NUP88: variants seen among roughly 807,000 people sequenced by gnomAD.
NUP88 encodes nuclear pore complex protein Nup88.
Under a neutral mutation model 93.9 loss-of-function variants are expected in NUP88, and 57 were observed. That is an observed-to-expected ratio of 0.61 (90% CI 0.49 to 0.76). The LOEUF is 0.76. NUP88 is among the 30% of genes least tolerant of loss of function. The probability of loss-of-function intolerance (pLI) is 0.00; values close to 1 mark genes in which losing one functional copy is unlikely to be tolerated. For synonymous variants in NUP88, 346 were observed against 336.8 expected (o/e 1.03, Z -0.30); for missense variants, 911 against 901.0 (o/e 1.01, Z -0.14).
intron 1 of NUP88, among the ~76,000 whole-genome samples, chr17:5,418,909 A>G (rs1214463169): frequency 1.3e-5 from 2 of 152,182 alleles, no homozygotes; most frequent in Admixed American, 1.3e-4. Context: ...CGGGGGTAAG[A>G]ATTAACAGAG....
chr17:5,386,736 T>G lies in NUP88; in HGVS notation c.2134A>C (p.Lys712Gln). The change falls in exon 16 of 17, where the codon AAG becomes CAG. Residue 712 changes from lysine (K) to glutamine (Q), a missense_variant. Physicochemically the swap from Lys to Gln is moderately conservative, Grantham distance 53. Transcript: ENST00000573584. ...TCTTTCAGGATGGACTGAATGCACT[T>G]TCGCTGGTAGGCACTGAGAATAATG... The part of the protein sequence containing the change: ...PTIILSAYQR[K>Q]CIQSILKEEG... The G allele has an allele frequency of 4.3e-6, 7 of 1,612,882 alleles. No homozygotes were observed. The highest frequency in any genetic ancestry group is 5.9e-6 in the Non-Finnish European group (7 of 1,178,890).
At chr17:5,418,455 T>C (rs1567580446) in intron 1 of NUP88, among the ~76,000 whole-genome samples, 1 of 152,106 alleles carries the variant, frequency 6.6e-6, no homozygotes, top group Admixed American at 6.5e-5. Context: ...GGTTTCACCA[T>C]GTTGGCCAGG....
At chr17:5,416,007 T>C (rs745566971) in intron 2 of NUP88, among the ~76,000 whole-genome samples, 2 of 151,630 alleles carry the variant, frequency 1.3e-5, no homozygotes, top group Non-Finnish European at 2.9e-5. Context: ...TAGCTGGGCA[T>C]GGTAGCGCTT....
At chr17:5,395,041 G>A in intron 8 of NUP88, 60 bp from the exon 9 acceptor site, 1 of 1,041,000 alleles carries the variant, frequency 9.6e-7, no homozygotes, top group Non-Finnish European at 1.5e-6. Context: ...AAATTAAAAT[G>A]CTAATGATAT....
chr17:5,403,054 T>C (rs1438863538), intron 7 of NUP88, among the ~76,000 whole-genome samples: 2 of 152,134 alleles, frequency 1.3e-5, no homozygotes, highest in African/African-American at 4.8e-5. Context: ...TAAAAATCCA[T>C]TTGGGGCCAG....
intron 10 of NUP88, among the ~76,000 whole-genome samples, chr17:5,390,443 T>C (rs1005717616): frequency 7.9e-5 from 12 of 152,182 alleles, no homozygotes; most frequent in Non-Finnish European, 1.2e-4. Flanking sequence ...CTTCAAAGAC[T>C]ATGGAAGATC....
At chr17:5,399,363 C>A (rs1913004801) in intron 8 of NUP88, among the ~76,000 whole-genome samples, 189 bp downstream of exon 8, 3 of 151,698 alleles carry the variant, frequency 2.0e-5, no homozygotes, top group Admixed American at 1.3e-4. Flanking sequence ...ATAGTAATAT[C>A]CCTGCTTTTA....
At position 5,385,048 on chromosome 17, in the gene NUP88, T is replaced by C; in HGVS notation, c.*1158A>G. 4.4e-6 allele frequency: 1 copy of C among 228,742 alleles called. No individual in the cohort carries two copies. 14.2% of individuals were successfully genotyped at this position (228,742 alleles called of 1,614,324 possible). ...TGAGACTGAGCACCTTACAGATATT[T>C]TTCTCCAGAAGATGGTGCTGGGTAA... On this transcript the variant is annotated 3_prime_UTR_variant, in exon 17 of 17. Transcript: ENST00000573584.
intron 9 of NUP88, among the ~76,000 whole-genome samples, chr17:5,393,698 A>G (rs1008677535): frequency 2.6e-5 from 4 of 151,958 alleles, no homozygotes; most frequent in Non-Finnish European, 5.9e-5. Flanking sequence ...GATCTCCCAA[A>G]ATGCTGGGAT....
At chr17:5,388,016 T>C in intron 11 of NUP88, 112 bp from the exon 12 acceptor site, 1 of 1,120,110 alleles carries the variant, frequency 8.9e-7, no homozygotes, top group Non-Finnish European at 1.2e-6. Flanking sequence ...AATTTATTTA[T>C]TTGAGATGCA....
In NUP88 at chr17:5,387,768, G is replaced by C. The variant is rs1442604990; in HGVS notation, c.1769+11C>G. ...CAGGGATCGATGGTTTGTGAACACA[G>C]GACATCATACCTCCGCTGAATCTCC... On this transcript the variant is annotated intron_variant, in intron 12 of 16. Coordinates refer to ENST00000573584, the MANE Select transcript of NUP88 (RefSeq NM_002532.6). 1.9e-6 allele frequency: 3 copies of C among 1,611,930 alleles called. No homozygotes were observed. The highest frequency in any genetic ancestry group is 2.7e-5 in the African/African-American group (2 of 74,824).
intron 3 of NUP88, 77 bp downstream of exon 3, chr17:5,413,932 A>G (rs1306742625): frequency 8.0e-6 from 12 of 1,493,650 alleles, no homozygotes; most frequent in African/African-American, 1.4e-5. Context: ...ACTTCGTTCT[A>G]TGTTGAGCTG....
In NUP88 at chr17:5,386,980, C is replaced by T; in HGVS notation, c.2043+4G>A. On this transcript the variant is annotated splice_donor_region_variant and intron_variant, in intron 15 of 16. Transcript: ENST00000573584. Reference sequence around the variant, plus strand: ...AAATTTAGCTAGTTTGGATCTATTCCTACCTGTTTGATGGCATTGCCCAAA... The same window carrying T: ...AAATTTAGCTAGTTTGGATCTATTCTTACCTGTTTGATGGCATTGCCCAAA... 1 of 1,613,678 alleles carries T rather than the reference C, an allele frequency of 6.2e-7. No homozygotes were observed. The highest frequency in any genetic ancestry group is 8.5e-7 in the Non-Finnish European group (1 of 1,179,862).
chr17:5,404,044 T>A, intron 7 of NUP88, 55 bp downstream of exon 7: 1 of 1,530,284 alleles, frequency 6.5e-7, no homozygotes, highest in East Asian at 2.2e-5. Flanking sequence ...CAGTCTATGA[T>A]AGTCTTAGTA....
Position 5,419,389 on chromosome 17 carries a change from C to T in NUP88, c.262G>A (p.Gly88Ser), listed in dbSNP as rs756787394. The change falls in exon 1 of 17, where the codon GGC (glycine) becomes AGC (serine). Residue 88 changes from glycine (G) to serine (S), a missense_variant. Transcript: ENST00000573584. The stretch of plus-strand genomic sequence containing the variant: ...GACAGGGCGGGCTCTTCGCCGCCGC[C>T]GCTGGGGCCCCGAAGGCGAACGACT... ...FLVVRLRGPSGGGEEPALSQY... is the reference protein window; with the variant it reads ...FLVVRLRGPSSGGEEPALSQY... The T allele has an allele frequency of 6.2e-7, 1 of 1,605,726 alleles. No homozygotes were observed. The highest frequency in any genetic ancestry group is 8.5e-7 in the Non-Finnish European group (1 of 1,176,428).
intron 3 of NUP88, 77 bp downstream of exon 3, chr17:5,413,932 A>T: frequency 6.7e-7 from 1 of 1,493,768 alleles, no homozygotes; most frequent in Non-Finnish European, 9.3e-7. Context: ...ACTTCGTTCT[A>T]TGTTGAGCTG....
intron 8 of NUP88, among the ~76,000 whole-genome samples, chr17:5,398,202 C>T (rs1359224343): frequency 6.6e-6 from 1 of 151,926 alleles, no homozygotes; most frequent in African/African-American, 2.4e-5. Flanking sequence ...TGCACCTGAC[C>T]GGTATTAATT....
intron 11 of NUP88, 59 bp downstream of exon 11, chr17:5,388,743 G>A (rs769975243): frequency 1.1e-5 from 16 of 1,453,684 alleles, no homozygotes; most frequent in Middle Eastern, 1.8e-4. Flanking sequence ...AGGATGCACA[G>A]TAATTCTGAA....
At chr17:5,416,456 C>T (rs1029621641) in intron 2 of NUP88, 57 bp downstream of exon 2, 4 of 1,295,062 alleles carry the variant, frequency 3.1e-6, no homozygotes, top group Non-Finnish European at 4.2e-6. Flanking sequence ...AACCACTAGT[C>T]TTGAACAATT....
Sources: gnomAD v4.1 joint callset for allele counts (sites outside exome capture counted in the v4.1 genomes callset) on GRCh38, gnomAD v4.1.1 for gene constraint, MANE v1.5 for transcripts, NCBI Gene and HGNC (gene_info 2026-07-23, HGNC 2026-07-21) for gene names.